The following UNC5D variants were observed in gnomAD, a reference collection of about 807,000 sequenced individuals.
The protein encoded by UNC5D is netrin receptor UNC5D.
In UNC5D, 39 loss-of-function variants were observed where a neutral mutation model predicts 105.4. The ratio of observed to expected loss-of-function variants is 0.37; its 90% CI spans 0.29 to 0.48. The LOEUF (loss-of-function observed/expected upper bound fraction) is 0.48. Ranked by LOEUF, UNC5D falls within the 20% of genes least tolerant of loss-of-function variation. The pLI is 0.98. For missense variants in UNC5D, 991 were observed against 1,202.4 expected (o/e 0.82, Z 2.60); for synonymous variants, 452 against 450.4 (o/e 1.00, Z -0.04).
At chr8:35,376,932 C>G (rs1242062937) in intron 1 of UNC5D, among the ~76,000 whole-genome samples, 1 of 152,196 alleles carries the variant, frequency 6.6e-6, no homozygotes, top group African/African-American at 2.4e-5. Context: ...CATCCTTGAG[C>G]CCCTCATCTC....
chr8:35,595,739 AG>A, intron 4 of UNC5D, 82 bp downstream of exon 4: 1 of 1,193,848 alleles, frequency 8.4e-7, no homozygotes, highest in Non-Finnish European at 1.2e-6. Context: ...TGTGGCTGGA[AG>A]GGAAGTAAAG....
intron 1 of UNC5D, among the ~76,000 whole-genome samples, chr8:35,346,600 T>C (rs1038830383): frequency 1.3e-5 from 2 of 152,072 alleles, no homozygotes; most frequent in Non-Finnish European, 2.9e-5. Flanking sequence ...ATACATGTTA[T>C]GTGTATTAAA....
At chr8:35,565,001 C>T (rs1401508617) in intron 2 of UNC5D, among the ~76,000 whole-genome samples, 1 of 152,016 alleles carries the variant, frequency 6.6e-6, no homozygotes, top group Middle Eastern at 3.2e-3. Context: ...GTTGACGGGC[C>T]CTTAGCTTGA....
At chr8:35,250,520 A>C (rs1178097608) in intron 1 of UNC5D, among the ~76,000 whole-genome samples, 2 of 152,024 alleles carry the variant, frequency 1.3e-5, no homozygotes, top group Non-Finnish European at 2.9e-5. Context: ...TTTGAGATGG[A>C]GTCTCGCTCT....
intron 1 of UNC5D, among the ~76,000 whole-genome samples, chr8:35,370,573 A>G (rs536914868): frequency 3.6e-4 from 55 of 152,286 alleles, no homozygotes; most frequent in Non-Finnish European, 2.1e-4. Context: ...TGAATGTTGT[A>G]TATATTTCTT....
At chr8:35,444,277 G>A (rs1469051393) in intron 1 of UNC5D, among the ~76,000 whole-genome samples, 1 of 152,006 alleles carries the variant, frequency 6.6e-6, no homozygotes. Context: ...ACTGAACCGA[G>A]TGATAAGCTC....
chr8:35,683,420 C>A, intron 4 of UNC5D, 127 bp from the exon 5 acceptor site: 1 of 946,392 alleles, frequency 1.1e-6, no homozygotes, highest in South Asian at 2.1e-5. Flanking sequence ...AATAAAGAAA[C>A]CAATCATTGC....
chr8:35,450,127 C>A (rs1808050276), intron 1 of UNC5D, among the ~76,000 whole-genome samples: 1 of 152,142 alleles, frequency 6.6e-6, no homozygotes, highest in Non-Finnish European at 1.5e-5. Context: ...GAGTTTTAAG[C>A]TGCCTGAGGA....
In UNC5D at chr8:35,373,648, T is replaced by C. The variant is rs1041369968; in HGVS notation, c.103+137761T>C. On this transcript the variant is annotated intron_variant, in intron 1 of 16. Transcript: ENST00000404895. ...ATGATGTTATTTTGAATTTACCCTGTCTTGAGAACATATCAGCAATGCATT... is the reference window on the plus strand; with the variant it reads ...ATGATGTTATTTTGAATTTACCCTGCCTTGAGAACATATCAGCAATGCATT... Among the ~76,000 whole-genome samples the C allele has an allele frequency of 2.0e-5, 3 of 152,272 alleles. No individual in the cohort carries two copies. The East Asian group carries it at 5.8e-4, about 29-fold the overall frequency.
chr8:35,615,757 A>G (rs1050769901), intron 4 of UNC5D, among the ~76,000 whole-genome samples: 1 of 152,114 alleles, frequency 6.6e-6, no homozygotes, highest in East Asian at 1.9e-4. Flanking sequence ...TATACTTTTC[A>G]GTATCCTCTC....
At chr8:35,621,802 A>C (rs1035684549) in intron 4 of UNC5D, among the ~76,000 whole-genome samples, 1 of 152,204 alleles carries the variant, frequency 6.6e-6, no homozygotes, top group Non-Finnish European at 1.5e-5. Context: ...TTCCTGGAGC[A>C]TGTGCCTGAG....
At chr8:35,534,075 A>T (rs1814644873) in intron 1 of UNC5D, among the ~76,000 whole-genome samples, 1 of 152,178 alleles carries the variant, frequency 6.6e-6, no homozygotes, top group South Asian at 2.1e-4. Flanking sequence ...TCCTCCCGCC[A>T]CAACTGGTTG....
chr8:35,366,149 G>A (rs1585678217), intron 1 of UNC5D, among the ~76,000 whole-genome samples: 1 of 152,102 alleles, frequency 6.6e-6, no homozygotes, highest in East Asian at 1.9e-4. Context: ...GGCATTCTTG[G>A]AATTAAACCC....
chr8:35,378,285 T>C (rs1046171641), intron 1 of UNC5D, among the ~76,000 whole-genome samples: 1 of 152,182 alleles, frequency 6.6e-6, no homozygotes, highest in Non-Finnish European at 1.5e-5. Flanking sequence ...AATTTTCTCT[T>C]ATGATTCATT....
intron 1 of UNC5D, among the ~76,000 whole-genome samples, chr8:35,248,124 TA>T (rs1382709846): frequency 1.5e-5 from 1 of 68,358 alleles, no homozygotes; most frequent in South Asian, 5.1e-4. Flanking sequence ...ATATAATATA[TA>T]AATATATATT....
chr8:35,319,956 C>T (rs944392950), intron 1 of UNC5D, among the ~76,000 whole-genome samples: 2 of 152,180 alleles, frequency 1.3e-5, no homozygotes, highest in Non-Finnish European at 2.9e-5. Flanking sequence ...AGTCTCTAGA[C>T]TCACTGACCG....
At chr8:35,392,655 CA>C (rs916258318) in intron 1 of UNC5D, among the ~76,000 whole-genome samples, 19 of 152,156 alleles carry the variant, frequency 1.2e-4, no homozygotes, top group African/African-American at 4.3e-4. Flanking sequence ...CTACCCATTA[CA>C]AAGTCACATC....
chr8:35,594,493 A>G (rs1255332301), intron 3 of UNC5D, among the ~76,000 whole-genome samples: 2 of 152,194 alleles, frequency 1.3e-5, no homozygotes, highest in Non-Finnish European at 2.9e-5. Context: ...AGAAAAATGC[A>G]TTGTCAGGGA....
At chr8:35,599,024 T>C (rs1015808552) in intron 4 of UNC5D, among the ~76,000 whole-genome samples, 1 of 151,510 alleles carries the variant, frequency 6.6e-6, no homozygotes, top group Non-Finnish European at 1.5e-5. Context: ...ACATCTGTAG[T>C]CCCAGCTACT....
Sources: allele counts gnomAD v4.1 joint callset (sites outside exome capture counted in the v4.1 genomes callset), GRCh38; gene constraint gnomAD v4.1.1; transcripts MANE v1.5; gene names NCBI Gene and HGNC (gene_info 2026-07-23, HGNC 2026-07-21).